CHD5: variants seen among roughly 807,000 people sequenced by gnomAD.
The protein encoded by CHD5 is ATP-dependent chromatin remodeler CHD5.
A neutral mutation model predicts 230.3 loss-of-function variants in CHD5; 69 were observed. The observed-to-expected ratio is 0.30, with a 90% confidence interval of 0.25 to 0.37. The LOEUF is 0.37. CHD5 is among the 10% of genes least tolerant of loss of function. The probability of loss-of-function intolerance (pLI) is 1.00; values close to 1 mark genes in which losing one functional copy is unlikely to be tolerated. For missense variants in CHD5, 1,827 were observed against 2,622.8 expected, an observed-to-expected ratio of 0.70 and a Z score of 6.63; for synonymous variants, 1,064 against 1,065.9, an observed-to-expected ratio of 1.00 and a Z score of 0.03.
rs1215227810 is a variant in CHD5, at chr1:6,151,224, TG to T, written c.871-70del. 1.5e-5 allele frequency: 23 copies of T among 1,516,508 alleles called. No homozygotes were observed. In the East Asian group the frequency reaches 5.5e-4, roughly 37 times the overall value. The allele number at this position is 1,516,508 out of a possible 1,614,324, so 93.9% of individuals were successfully genotyped here. On this transcript the variant is annotated intron_variant, in intron 6 of 41. Coordinates refer to ENST00000262450, the MANE Select transcript of CHD5 (RefSeq NM_015557.3). The stretch of plus-strand genomic sequence containing the variant: ...GAAGGCTTCGCTGGCCCAGGCAGTG[TG>T]GGGTGGGACAAAGCACGGAAGAGGC...
intron 31 of CHD5, among the ~76,000 whole-genome samples, chr1:6,122,127 T>C (rs1666481570): frequency 6.6e-6 from 1 of 152,156 alleles, no homozygotes; most frequent in South Asian, 2.1e-4. Flanking sequence ...CAAACCAAGA[T>C]GTGTCCACCT....
intron 36 of CHD5, 59 bp from the exon 37 acceptor site, chr1:6,110,585 GAGGCAGCTCAGGGA>G: frequency 1.3e-6 from 2 of 1,555,528 alleles, no homozygotes; most frequent in South Asian, 1.1e-5. Flanking sequence ...GCCGTAGGGG[GAGGCAGCTCAGGGA>G]GGGGGAGGGG....
intron 2 of CHD5, among the ~76,000 whole-genome samples, chr1:6,164,527 C>G (rs942112377): frequency 6.6e-6 from 1 of 152,216 alleles, no homozygotes; most frequent in African/African-American, 2.4e-5. Flanking sequence ...CGGCCTCCCC[C>G]CACTAACAAA....
At chr1:6,172,151 C>T (rs772629679) in intron 1 of CHD5, among the ~76,000 whole-genome samples, 38 of 152,228 alleles carry the variant, frequency 2.5e-4, no homozygotes, top group Non-Finnish European at 4.9e-4. Context: ...CCACTGCAGG[C>T]TGCGGCCAGG....
At chr1:6,120,851 C>G (rs534369969) in intron 33 of CHD5, among the ~76,000 whole-genome samples, 1 of 151,894 alleles carries the variant, frequency 6.6e-6, no homozygotes, top group African/African-American at 2.4e-5. Flanking sequence ...TGCAGTGATC[C>G]GAGATGGTAC....
Position 6,106,288 on chromosome 1 carries a change from C to G in CHD5, c.5858-1G>C. 6.2e-7 allele frequency: 1 copy of G among 1,612,816 alleles called. No homozygotes were observed. Among genetic ancestry groups the G allele is most frequent in the Non-Finnish European group, 8.5e-7 (1 of 1,179,972 alleles). ...GGAAGTCTCGAGGACGGCTAGATATCTGTCAAAAAAAGAGGAGAGCCGGGC... is the reference window on the plus strand; with the variant it reads ...GGAAGTCTCGAGGACGGCTAGATATGTGTCAAAAAAAGAGGAGAGCCGGGC... On this transcript the variant is annotated splice_acceptor_variant, in intron 40 of 41. Coordinates refer to ENST00000262450, the MANE Select transcript of CHD5 (RefSeq NM_015557.3). LOFTEE classifies it high-confidence loss of function.
chr1:6,174,095 G>A (rs1667381660), intron 1 of CHD5, among the ~76,000 whole-genome samples: 1 of 151,972 alleles, frequency 6.6e-6, no homozygotes. Context: ...TGGGTGGGGA[G>A]GAGGAGGACA....
At chr1:6,127,515 C>G (rs565682747) in intron 25 of CHD5, among the ~76,000 whole-genome samples, 1 of 150,798 alleles carries the variant, frequency 6.6e-6, no homozygotes, top group East Asian at 2.0e-4. Flanking sequence ...AATTGTGGGC[C>G]GTCCTGGAAC....
intron 36 of CHD5, among the ~76,000 whole-genome samples, chr1:6,111,568 CCAGA>C (rs1489050936): frequency 2.0e-5 from 3 of 151,820 alleles, no homozygotes; most frequent in African/African-American, 7.3e-5. Flanking sequence ...CAATGTGGAC[CCAGA>C]CAGAGACACA....
Position 6,125,416 on chromosome 1 carries a change from C to T in CHD5, c.4260+108G>A. On this transcript the variant is annotated intron_variant, in intron 28 of 41. Transcript: ENST00000262450. The surrounding 1 kb of genome is among the most constrained non-coding windows in gnomAD (Gnocchi z 6.7). ...GACCAGACCAAGTTCTGTCCAAGCT[C>T]CGCCTCTACCTGGCATGAGACCCGG... 7.5e-7 allele frequency: 1 copy of T among 1,335,556 alleles called. No homozygotes were observed. The highest frequency in any genetic ancestry group is 1.4e-5 in the South Asian group (1 of 73,954). The allele number at this position is 1,335,556 out of a possible 1,614,324, so 82.7% of individuals were successfully genotyped here. A position where few individuals can be genotyped will look rare whatever the true frequency, so the allele number is the denominator to read the frequency against.
chr1:6,111,686 A>G, intron 36 of CHD5, 89 bp downstream of exon 36: 1 of 986,940 alleles, frequency 1.0e-6, no homozygotes, highest in South Asian at 1.4e-5. Context: ...AGAACGAGGA[A>G]GGCTTCCCCC....
chr1:6,152,177 A>G (rs1324490288), intron 6 of CHD5, among the ~76,000 whole-genome samples: 1 of 152,216 alleles, frequency 6.6e-6, no homozygotes, highest in Non-Finnish European at 1.5e-5. Context: ...CTCCCTGCCC[A>G]GAGTCCAGGC....
rs1667022045 is a variant in CHD5 at position 6,152,497 on chromosome 1, C to T, written c.785G>A (p.Gly262Glu). 1.2e-6 allele frequency: 2 copies of T among 1,614,040 alleles called. No homozygotes were observed. Among genetic ancestry groups the T allele is most frequent in the African/African-American group, 2.7e-5 (2 of 74,912 alleles). ...VRKKIKGSKD[G>E]KKKGKGKKTA... Reference sequence around the variant, plus strand: ...CTTTTTCCCTTTGCCCTTTTTCTTCCCATCTTTGGAGCCTTTGATCTTCTT... The same window carrying T: ...CTTTTTCCCTTTGCCCTTTTTCTTCTCATCTTTGGAGCCTTTGATCTTCTT... Residue 262 changes from glycine to glutamate, a missense_variant, in exon 6 of 42, where the codon GGG becomes GAG. Physicochemically the swap from Gly to Glu is moderately conservative, Grantham distance 98. This residue lies in a region of CHD5 where 657 missense variants were observed against 816.4 expected (regional missense o/e 0.80). Coordinates refer to ENST00000262450, the MANE Select transcript of CHD5 (RefSeq NM_015557.3).
Position 6,149,023 on chromosome 1 carries a change from T to C in CHD5, c.1214A>G (p.Glu405Gly). ...GTCCTCCTCCTCCTCGCAGCCGCCC[T>C]CCTCCTCTTCATCGTCGTCGTCCTT... ...EPKDDDDEEE[E>G]GGCEEEEDDH... The change falls in exon 9 of 42, where the codon GAG becomes GGG. Residue 405 changes from glutamate to glycine, a missense_variant. Glu to Gly is a moderately conservative substitution (Grantham distance 98, BLOSUM62 -2). Around this residue, in one of 14 missense-constraint regions of CHD5, gnomAD observed 657 missense variants for 816.4 expected, o/e 0.80. Coordinates refer to ENST00000262450, the MANE Select transcript of CHD5 (RefSeq NM_015557.3). The C allele has an allele frequency of 6.3e-7, 1 of 1,599,480 alleles. No homozygotes were observed. The highest frequency in any genetic ancestry group is 8.5e-7 in the Non-Finnish European group (1 of 1,173,528).
Position 6,106,267 on chromosome 1 carries a change from G to T in CHD5, c.*13C>A. 3 of 1,612,832 alleles carry T rather than the reference G, an allele frequency of 1.9e-6. No homozygotes were observed. Among genetic ancestry groups the T allele is most frequent in the Non-Finnish European group, 2.5e-6 (3 of 1,179,980 alleles). On this transcript the variant is annotated 3_prime_UTR_variant, in exon 41 of 42. Transcript: ENST00000262450. ...GAAATGAGCGCTGCAACACAGGGAA[G>T]TCTCGAGGACGGCTAGATATCTGTC...
At position 6,146,737 on chromosome 1, in the gene CHD5, G is replaced by T. The variant is rs1666917758; in HGVS notation, c.1518C>A (p.Ile506=). 1 of 1,613,022 alleles carries T rather than the reference G, an allele frequency of 6.2e-7. No homozygotes were observed. Among genetic ancestry groups the T allele is most frequent in the East Asian group, 2.2e-5 (1 of 44,888 alleles). ...SLPPPKPLEG[I]PEREFFVKWA... ...ACTTGACAAAGAACTCTCTCTCAGG[G>T]ATGCCCTCCAGGGGCTTAGGTGGAG... Residue 506 remains isoleucine (I), a synonymous_variant, in exon 10 of 42, where the codon ATC becomes ATA. Transcript: ENST00000262450. The surrounding 1 kb of genome is among the most constrained non-coding windows in gnomAD (Gnocchi z 5.1).
chr1:6,108,450 G>A (rs1666232166), intron 38 of CHD5, among the ~76,000 whole-genome samples: 1 of 148,136 alleles, frequency 6.8e-6, no homozygotes, highest in Non-Finnish European at 1.5e-5. Flanking sequence ...TGGAGAGATG[G>A]GGGATGGGGG....
intron 1 of CHD5, among the ~76,000 whole-genome samples, chr1:6,175,216 G>A (rs1306472132): frequency 6.8e-6 from 1 of 146,038 alleles, no homozygotes; most frequent in Non-Finnish European, 1.5e-5. Context: ...AGTGGATGGT[G>A]GTTGGATGCG....
intron 1 of CHD5, among the ~76,000 whole-genome samples, chr1:6,175,591 G>A (rs140301044): frequency 6.5e-4 from 98 of 151,868 alleles, no homozygotes; most frequent in African/African-American, 2.2e-3. Context: ...AATGAATGGT[G>A]GATGGATGGA....
Sources: gnomAD v4.1 joint callset for allele counts (sites outside exome capture counted in the v4.1 genomes callset) on GRCh38, gnomAD v4.1.1 for gene constraint, gnomAD v4.1.1 regional missense constraint, Gnocchi (gnomAD v3.1) non-coding constraint, MANE v1.5 for transcripts, NCBI Gene and HGNC (gene_info 2026-07-23, HGNC 2026-07-21) for gene names.